Variants in ADGRD1 observed in about 807,000 individuals in gnomAD.
ADGRD1 encodes the protein adhesion G protein-coupled receptor D1.
A neutral mutation model predicts 113.4 loss-of-function variants in ADGRD1; 77 were observed. That is an observed-to-expected ratio of 0.68 (90% confidence interval 0.57 to 0.82). The LOEUF is 0.82. ADGRD1 is among the 40% of genes least tolerant of loss of function. The pLI, the probability that ADGRD1 is intolerant of heterozygous loss-of-function variation, is 0.00. For missense variants in ADGRD1, 1,036 were observed against 1,139.1 expected (o/e 0.91, Z 1.30); for synonymous variants, 474 against 475.0 (o/e 1.00, Z 0.03).
intron 20 of ADGRD1, among the ~76,000 whole-genome samples, chr12:131,121,596 T>C (rs556576858): frequency 2.0e-5 from 3 of 152,294 alleles, no homozygotes; most frequent in African/African-American, 7.2e-5. Context: ...GCCAGGCTGG[T>C]CTCGAACTCC....
chr12:130,990,030 G>C (rs1440261843), intron 6 of ADGRD1: 1 of 152,286 alleles, frequency 6.6e-6, no homozygotes, highest in Non-Finnish European at 1.5e-5. Context: ...GTCATCGCTT[G>C]CAAGCGTTGG....
intron 13 of ADGRD1, among the ~76,000 whole-genome samples, chr12:131,065,539 G>A (rs762448877): frequency 6.6e-6 from 1 of 152,168 alleles, no homozygotes; most frequent in East Asian, 1.9e-4. Flanking sequence ...CACTGTCTGT[G>A]TTTCCTGATA....
rs148082922 is a variant in ADGRD1 at position 131,013,393 on chromosome 12, A to C, written c.1332-806A>C. 1.1e-4 allele frequency among the ~76,000 whole-genome samples: 16 copies of C among 152,236 alleles called. No homozygotes were observed. The East Asian group carries it at 2.9e-3, about 28-fold the overall frequency. ...AATCAGTCTCCCTCCTCATGAATGC[A>C]AGCAGCTCCCAGGGCCTCGTGCCTC... On this transcript the variant is annotated intron_variant, in intron 12 of 24. Transcript: ENST00000261654.
chr12:131,042,650 C>T (rs77714630), intron 13 of ADGRD1, among the ~76,000 whole-genome samples: 4 of 152,198 alleles, frequency 2.6e-5, no homozygotes, highest in Middle Eastern at 3.2e-3. Context: ...GCTCCGTGTT[C>T]GGTCCCGGTG....
chr12:130,976,791 G>A (rs1018970574), intron 4 of ADGRD1: 1 of 151,940 alleles, frequency 6.6e-6, no homozygotes, highest in African/African-American at 2.4e-5. Flanking sequence ...GGAGGCCGAG[G>A]CAGGAGGATT....
intron 4 of ADGRD1, 129 bp from the exon 5 acceptor site, chr12:130,981,755 C>G (rs945219979): frequency 4.6e-6 from 3 of 653,862 alleles, no homozygotes; most frequent in Non-Finnish European, 2.7e-6. Context: ...CTGAACTGAA[C>G]ATACACTGCC....
At chr12:131,133,978 C>T (rs1252784655) in intron 21 of ADGRD1, among the ~76,000 whole-genome samples, 1 of 152,218 alleles carries the variant, frequency 6.6e-6, no homozygotes, top group Non-Finnish European at 1.5e-5. Flanking sequence ...TTCCCTGCCA[C>T]CCCCCTACCC....
intron 4 of ADGRD1, among the ~76,000 whole-genome samples, chr12:130,974,372 A>G (rs961176764): frequency 6.6e-6 from 1 of 152,208 alleles, no homozygotes; most frequent in African/African-American, 2.4e-5. Flanking sequence ...TTTCACATAT[A>G]TTATTTAAGA....
intron 15 of ADGRD1, among the ~76,000 whole-genome samples, chr12:131,087,245 C>T (rs1886531974): frequency 6.6e-6 from 1 of 152,200 alleles, no homozygotes; most frequent in Non-Finnish European, 1.5e-5. Context: ...GATGGGGCCT[C>T]ACTTTGTGGC....
chr12:131,121,735 C>T (rs145347736), intron 20 of ADGRD1, among the ~76,000 whole-genome samples: 237 of 152,308 alleles, frequency 1.6e-3, no homozygotes, highest in African/African-American at 5.5e-3. Flanking sequence ...TCAGGACCAT[C>T]TGTGGGGAGG....
intron 13 of ADGRD1, among the ~76,000 whole-genome samples, chr12:131,048,792 A>T (rs1883092660): frequency 6.6e-6 from 1 of 152,326 alleles, no homozygotes; most frequent in East Asian, 1.9e-4. Flanking sequence ...CCCACATTCC[A>T]GGAGCCAGGT....
chr12:131,004,250 C>G lies in ADGRD1; in HGVS notation c.1209C>G (p.His403Gln). Residue 403 changes from histidine (H) to glutamine (Q), a missense_variant, in exon 11 of 25, where the codon CAC becomes CAG. By Grantham distance (24) the His-to-Gln change is conservative (BLOSUM62 0). Transcript: ENST00000261654. ...CCTCCCATTACCGCTTCCCGGCCCA[C>G]GGGCAGAGCTTCATCCAGATCCCCC... ...VNSSHYRFPA[H>Q]GQSFIQIPHE... 1.2e-6 allele frequency: 2 copies of G among 1,613,970 alleles called. No individual in the cohort carries two copies. The highest frequency in any genetic ancestry group is 2.2e-5 in the East Asian group (1 of 44,856).
chr12:130,982,413 GGT>G (rs1393982292), intron 5 of ADGRD1, among the ~76,000 whole-genome samples: 2 of 152,176 alleles, frequency 1.3e-5, no homozygotes, highest in East Asian at 3.9e-4. Context: ...CTGAAGATAT[GGT>G]GTGCAAAGTG....
chr12:131,112,813 C>T (rs1445246891), intron 18 of ADGRD1, among the ~76,000 whole-genome samples: 1 of 152,252 alleles, frequency 6.6e-6, no homozygotes, highest in African/African-American at 2.4e-5. Flanking sequence ...CAGAGCTTGT[C>T]TCTCCCAGTG....
At chr12:131,111,086 C>T (rs1283910285) in intron 18 of ADGRD1, among the ~76,000 whole-genome samples, 10 of 150,682 alleles carry the variant, frequency 6.6e-5, no homozygotes, top group Non-Finnish European at 1.3e-4. Context: ...GTGTGTATCT[C>T]ATTGTGTTTA....
At chr12:130,993,205 G>A (rs1413875046) in intron 8 of ADGRD1, among the ~76,000 whole-genome samples, 1 of 151,984 alleles carries the variant, frequency 6.6e-6, no homozygotes, top group East Asian at 1.9e-4. Flanking sequence ...TGCTGGGTAC[G>A]TGGTGAGCAC....
chr12:131,070,090 C>T (rs1255130198), intron 13 of ADGRD1: 5 of 152,272 alleles, frequency 3.3e-5, no homozygotes, highest in African/African-American at 1.2e-4. Context: ...TGAGCATGAA[C>T]ATCCTGTCCC....
intron 2 of ADGRD1, among the ~76,000 whole-genome samples, chr12:130,958,838 C>CT (rs2136467968): frequency 6.8e-6 from 1 of 147,016 alleles, no homozygotes; most frequent in East Asian, 1.9e-4. Flanking sequence ...TTTGTCTGCA[C>CT]GTTGGGCCTT....
At chr12:131,130,768 A>ATCCCGTGCGGGGGGAGAGCGAG (rs1566138300) in intron 20 of ADGRD1, among the ~76,000 whole-genome samples, 95 of 150,734 alleles carry the variant, frequency 6.3e-4, no homozygotes, top group Non-Finnish European at 1.1e-3. Flanking sequence ...GGGAGAGCGA[A>ATCCCGTGCGGGGGGAGAGCGAG]GCTGGCCATC....
Sources: allele counts gnomAD v4.1 joint callset (sites outside exome capture counted in the v4.1 genomes callset), GRCh38; gene constraint gnomAD v4.1.1; transcripts MANE v1.5; gene names NCBI Gene and HGNC (gene_info 2026-07-23, HGNC 2026-07-21).